The following ZNF385D variants were observed in gnomAD, a reference collection of about 807,000 sequenced individuals.
ZNF385D encodes zinc finger protein 385D.
Under a neutral mutation model 35.8 loss-of-function variants are expected in ZNF385D, and 15 were observed. That is an observed-to-expected ratio of 0.42 (90% CI 0.28 to 0.64). The LOEUF (loss-of-function observed/expected upper bound fraction) is 0.64, where lower values mean the gene tolerates loss of function less well. Ranked by LOEUF, ZNF385D falls within the 30% of genes least tolerant of loss-of-function variation. The probability of loss-of-function intolerance (pLI) is 0.23; values close to 1 mark genes in which losing one functional copy is unlikely to be tolerated. For synonymous variants in ZNF385D, 212 were observed against 186.8 expected, an observed-to-expected ratio of 1.13 and a Z score of -1.10; for missense variants, 474 against 494.6, an observed-to-expected ratio of 0.96 and a Z score of 0.39.
intron 2 of ZNF385D, among the ~76,000 whole-genome samples, chr3:21,597,038 G>A (rs2064146283): frequency 2.0e-5 from 3 of 151,878 alleles, no homozygotes; most frequent in Admixed American, 2.0e-4. Flanking sequence ...TATTTAAAAA[G>A]GTATTTATAA....
In ZNF385D at chr3:21,892,048, T is replaced by C. The variant is rs113455573; in HGVS notation, c.326-227020A>G. Among the ~76,000 whole-genome samples, 1,418 of 152,318 alleles carry C rather than the reference T, an allele frequency of 9.3e-3. 21 individuals are homozygous for C. The highest frequency in any genetic ancestry group is 0.033 in the African/African-American group (1,358 of 41,574). On this transcript the variant is annotated intron_variant, in intron 3 of 5. Coordinates refer to the ZNF385D transcript ENST00000494108. ...TTTAATTTAACTGTAGTTTATATGA[T>C]ATTGGTTTGTTTCGAGGGCAACTGA...
intron 3 of ZNF385D, among the ~76,000 whole-genome samples, chr3:21,792,607 C>A (rs896134509): frequency 2.0e-5 from 3 of 152,036 alleles, no homozygotes; most frequent in Non-Finnish European, 2.9e-5. Flanking sequence ...ACTTTCTTAG[C>A]CCCTAGGAGT....
chr3:22,004,339 C>A (rs955453111), intron 3 of ZNF385D, among the ~76,000 whole-genome samples: 1 of 151,738 alleles, frequency 6.6e-6, no homozygotes, highest in African/African-American at 2.4e-5. Flanking sequence ...AGAAAGAAAA[C>A]ATAGGGGAAA....
intron 2 of ZNF385D, among the ~76,000 whole-genome samples, chr3:22,190,742 T>C (rs1311239283): frequency 2.6e-5 from 4 of 152,166 alleles, no homozygotes; most frequent in African/African-American, 7.2e-5. Context: ...AACATATCCA[T>C]ACACAGGAAA....
intron 3 of ZNF385D, among the ~76,000 whole-genome samples, chr3:21,919,722 T>C (rs776441290): frequency 1.3e-5 from 2 of 152,226 alleles, no homozygotes; most frequent in Non-Finnish European, 2.9e-5. Context: ...CATACTACCA[T>C]CCTGCAGAAC....
chr3:22,259,809 A>G (rs1240610270), intron 2 of ZNF385D, among the ~76,000 whole-genome samples: 2 of 151,592 alleles, frequency 1.3e-5, no homozygotes, highest in Non-Finnish European at 2.9e-5. Flanking sequence ...TTTGTCCACC[A>G]TCACTCCAAA....
At chr3:21,726,739 A>G (rs762723734) in intron 1 of ZNF385D, among the ~76,000 whole-genome samples, 5 of 152,206 alleles carry the variant, frequency 3.3e-5, no homozygotes, top group Non-Finnish European at 5.9e-5. Context: ...GAAAATGCCT[A>G]TACTGCCCGA....
intron 3 of ZNF385D, among the ~76,000 whole-genome samples, chr3:21,520,998 A>G (rs1026198128): frequency 6.6e-6 from 1 of 152,208 alleles, no homozygotes; most frequent in Non-Finnish European, 1.5e-5. Flanking sequence ...AGGGGAAAAG[A>G]CTAAATTTCC....
chr3:22,027,549 T>C (rs1285924821), intron 3 of ZNF385D, among the ~76,000 whole-genome samples: 1 of 152,166 alleles, frequency 6.6e-6, no homozygotes, highest in African/African-American at 2.4e-5. Context: ...GAGAGACAGC[T>C]CTTGGCCTGT....
intron 3 of ZNF385D, among the ~76,000 whole-genome samples, chr3:21,843,560 C>T (rs1367361306): frequency 6.6e-6 from 1 of 151,856 alleles, no homozygotes; most frequent in African/African-American, 2.4e-5. Flanking sequence ...ATATGTTAAT[C>T]CAACCAAAAT....
intron 1 of ZNF385D, among the ~76,000 whole-genome samples, chr3:21,741,062 G>T (rs1281411293): frequency 3.3e-5 from 5 of 152,076 alleles, no homozygotes; most frequent in Non-Finnish European, 5.9e-5. Context: ...GGCACAGCAG[G>T]CATTCATCCC....
intron 2 of ZNF385D, among the ~76,000 whole-genome samples, chr3:22,294,671 T>C (rs548433101): frequency 4.6e-5 from 7 of 152,220 alleles, no homozygotes; most frequent in African/African-American, 1.7e-4. Context: ...TGAGTGTTGA[T>C]GAGTGTGCTA....
chr3:21,848,460 G>A (rs9874145), intron 3 of ZNF385D, among the ~76,000 whole-genome samples: 4 of 150,774 alleles, frequency 2.7e-5, no homozygotes, highest in African/African-American at 9.9e-5. Flanking sequence ...AAATAAAATT[G>A]AGTTGGTTTT....
At chr3:22,222,361 T>C (rs1249960867) in intron 2 of ZNF385D, among the ~76,000 whole-genome samples, 1 of 152,132 alleles carries the variant, frequency 6.6e-6, no homozygotes, top group Non-Finnish European at 1.5e-5. Flanking sequence ...GATAATAACC[T>C]ACTGAATGAA....
chr3:21,566,431 G>T (rs1175829371), intron 2 of ZNF385D, among the ~76,000 whole-genome samples: 1 of 152,110 alleles, frequency 6.6e-6, no homozygotes, highest in South Asian at 2.1e-4. Flanking sequence ...TTGGAGACCA[G>T]CCTGGCCAGC....
chr3:22,065,071 A>G (rs1434433235), intron 3 of ZNF385D, among the ~76,000 whole-genome samples: 2 of 152,212 alleles, frequency 1.3e-5, no homozygotes. Flanking sequence ...AAGTCCTTAA[A>G]CAAATTAGTT....
At chr3:21,992,611 T>C (rs568231257) in intron 3 of ZNF385D, among the ~76,000 whole-genome samples, 1 of 152,286 alleles carries the variant, frequency 6.6e-6, no homozygotes, top group African/African-American at 2.4e-5. Context: ...GATGAAGATA[T>C]GACAAGAAAA....
chr3:21,835,252 CTTTT>C (rs11369567), intron 3 of ZNF385D, among the ~76,000 whole-genome samples: 1 of 149,814 alleles, frequency 6.7e-6, no homozygotes, highest in African/African-American at 2.5e-5. Context: ...AGTTTGCTTA[CTTTT>C]TTTTTAAGTT....
At chr3:21,513,598 G>A (rs1707367731) in intron 3 of ZNF385D, among the ~76,000 whole-genome samples, 1 of 152,040 alleles carries the variant, frequency 6.6e-6, no homozygotes, top group South Asian at 2.1e-4. Context: ...TAGAATTTAG[G>A]AGAAATTGAG....
Sources: gnomAD v4.1 joint callset for allele counts (sites outside exome capture counted in the v4.1 genomes callset) on GRCh38, gnomAD v4.1.1 for gene constraint, MANE v1.5 for transcripts, NCBI Gene and HGNC (gene_info 2026-07-23, HGNC 2026-07-21) for gene names.